The following DAPK1 variants were observed in gnomAD, a reference collection of about 807,000 sequenced individuals.
The protein encoded by DAPK1 is death associated protein kinase 1, also known as death-associated protein kinase 1.
A neutral mutation model predicts 144.9 loss-of-function variants in DAPK1; 56 were observed. The observed-to-expected ratio is 0.39, with a 90% CI of 0.31 to 0.48. The LOEUF is 0.48. DAPK1 is among the 20% of genes least tolerant of loss of function. The pLI, the probability that DAPK1 is intolerant of heterozygous loss-of-function variation, is 0.95. For synonymous variants in DAPK1, 690 were observed against 749.0 expected, an observed-to-expected ratio of 0.92 and a Z score of 1.29; for missense variants, 1,454 against 1,875.4, an observed-to-expected ratio of 0.78 and a Z score of 4.15.
At chr9:87,547,988 C>T (rs960432825) in intron 2 of DAPK1, among the ~76,000 whole-genome samples, 3 of 152,174 alleles carry the variant, frequency 2.0e-5, no homozygotes, top group Admixed American at 6.5e-5. Context: ...CAGCTGGTGG[C>T]GGAAGTGCTG....
intron 18 of DAPK1, among the ~76,000 whole-genome samples, chr9:87,660,094 C>T (rs1830787811): frequency 6.6e-6 from 1 of 152,176 alleles, no homozygotes; most frequent in South Asian, 2.1e-4. Context: ...GGACAGAGTC[C>T]CGGGAGGATC....
intron 23 of DAPK1, among the ~76,000 whole-genome samples, chr9:87,699,068 A>C (rs1825372957): frequency 6.6e-6 from 1 of 152,242 alleles, no homozygotes; most frequent in Non-Finnish European, 1.5e-5. Context: ...TCTAAATCTG[A>C]AATGCTCTAA....
At chr9:87,607,266 G>T (rs1828764840) in intron 3 of DAPK1, among the ~76,000 whole-genome samples, 1 of 152,082 alleles carries the variant, frequency 6.6e-6, no homozygotes, top group African/African-American at 2.4e-5. Flanking sequence ...CAAAATCCAG[G>T]GCAAATCCTT....
chr9:87,649,016 G>A (rs1830357312), intron 15 of DAPK1, 137 bp downstream of exon 15: 1 of 726,648 alleles, frequency 1.4e-6, no homozygotes, highest in Non-Finnish European at 2.3e-6. Context: ...AGGCTCAAGG[G>A]GCAGGGACTC....
chr9:87,698,555 G>A, intron 22 of DAPK1, 101 bp from the exon 23 acceptor site: 1 of 728,370 alleles, frequency 1.4e-6, no homozygotes, highest in Non-Finnish European at 2.4e-6. Context: ...TACCTGGAGA[G>A]TCGGCCTGGG....
chr9:87,605,993 A>G (rs866030033), intron 3 of DAPK1, among the ~76,000 whole-genome samples: 6 of 152,306 alleles, frequency 3.9e-5, no homozygotes, highest in Middle Eastern at 3.4e-3. Context: ...GGCGGATGGA[A>G]CCAAAGAAGA....
chr9:87,577,565 A>G (rs1468147933), intron 2 of DAPK1, among the ~76,000 whole-genome samples: 4 of 152,196 alleles, frequency 2.6e-5, no homozygotes, highest in Non-Finnish European at 4.4e-5. Context: ...TGGGAGGCCA[A>G]GGATGGTGGA....
intron 3 of DAPK1, among the ~76,000 whole-genome samples, chr9:87,619,665 T>C (rs1268908994): frequency 2.0e-5 from 3 of 152,158 alleles, no homozygotes; most frequent in Non-Finnish European, 4.4e-5. Flanking sequence ...CAGGACCATG[T>C]GTTCAAGCTG....
At chr9:87,659,888 A>G (rs1422673829) in intron 18 of DAPK1, among the ~76,000 whole-genome samples, 1 of 152,190 alleles carries the variant, frequency 6.6e-6, no homozygotes, top group Non-Finnish European at 1.5e-5. Context: ...GAGGGACAAG[A>G]CAGGCACGCG....
intron 2 of DAPK1, among the ~76,000 whole-genome samples, chr9:87,587,514 T>C (rs553480476): frequency 8.0e-4 from 122 of 152,266 alleles, no homozygotes; most frequent in African/African-American, 2.9e-3. Flanking sequence ...CTCCAAGAGA[T>C]GGAGCAATAA....
chr9:87,505,004 T>C (rs1824534246), intron 2 of DAPK1, among the ~76,000 whole-genome samples: 1 of 152,204 alleles, frequency 6.6e-6, no homozygotes, highest in African/African-American at 2.4e-5. Context: ...TGTAGTTGTA[T>C]ACAGGTGTTA....
intron 2 of DAPK1, among the ~76,000 whole-genome samples, chr9:87,577,535 C>T (rs111894552): frequency 8.5e-5 from 13 of 152,172 alleles, no homozygotes; most frequent in African/African-American, 2.4e-4. Flanking sequence ...CAGTGGCTCA[C>T]GCTTGTAATC....
At chr9:87,642,439 C>T (rs770873421) in intron 10 of DAPK1, among the ~76,000 whole-genome samples, 40 of 152,270 alleles carry the variant, frequency 2.6e-4, no homozygotes, top group Middle Eastern at 6.8e-3. Context: ...AAGTGGGTCT[C>T]TCAGCCCAGC....
At chr9:87,671,058 C>T (rs558567563) in intron 19 of DAPK1, among the ~76,000 whole-genome samples, 8 of 152,272 alleles carry the variant, frequency 5.3e-5, no homozygotes, top group South Asian at 4.1e-4. Context: ...TTGCACTAGC[C>T]GGGGATGGTC....
intron 2 of DAPK1, among the ~76,000 whole-genome samples, chr9:87,576,222 A>ATG (rs1270437294): frequency 6.6e-6 from 1 of 152,244 alleles, no homozygotes; most frequent in Non-Finnish European, 1.5e-5. Flanking sequence ...GTCAGAGTTA[A>ATG]TGAAAATGTG....
rs114866467 is a variant in DAPK1, at chr9:87,674,665, G to T, written c.2001+5991G>T. On this transcript the variant is annotated intron_variant, in intron 19 of 25. Coordinates refer to ENST00000408954, the MANE Select transcript of DAPK1 (RefSeq NM_004938.4). ...TTCACCACCTGTAAACTGCATTTGC[G>T]TAATTAAAAGTTGCTGCACCATCCG... Among the ~76,000 whole-genome samples the T allele has an allele frequency of 2.8e-3, 429 of 152,192 alleles. 2 individuals carry two copies. The highest frequency in any genetic ancestry group is 9.7e-3 in the African/African-American group (403 of 41,530).
chr9:87,579,569 T>A (rs1027553947), intron 2 of DAPK1, among the ~76,000 whole-genome samples: 3 of 152,108 alleles, frequency 2.0e-5, no homozygotes, highest in African/African-American at 7.2e-5. Flanking sequence ...TTGGGAATAA[T>A]AGCAGAGGCA....
intron 18 of DAPK1, 113 bp from the exon 19 acceptor site, chr9:87,668,480 GGCTT>G: frequency 2.7e-6 from 2 of 737,848 alleles, no homozygotes; most frequent in East Asian, 5.0e-5. Flanking sequence ...TTGTCCACCT[GGCTT>G]GCTTCTCACA....
chr9:87,690,575 C>T (rs1227780823), intron 21 of DAPK1, among the ~76,000 whole-genome samples: 2 of 151,900 alleles, frequency 1.3e-5, no homozygotes, highest in Non-Finnish European at 2.9e-5. Flanking sequence ...ATGTAGGGGG[C>T]ATTCTTGTCT....
Sources: gnomAD v4.1 joint callset for allele counts (sites outside exome capture counted in the v4.1 genomes callset) on GRCh38, gnomAD v4.1.1 for gene constraint, MANE v1.5 for transcripts, NCBI Gene and HGNC (gene_info 2026-07-23, HGNC 2026-07-21) for gene names.